The following SPEN variants were observed in gnomAD, a reference collection of about 807,000 sequenced individuals.
SPEN encodes msx2-interacting protein.
In SPEN, 18 loss-of-function variants were observed where a neutral mutation model predicts 269.9. That is an observed-to-expected ratio of 0.07 (90% CI 0.05 to 0.10). SPEN has a LOEUF of 0.10. SPEN is among the 10% of genes least tolerant of loss of function. The pLI is 1.00. For missense variants in SPEN, 3,822 were observed against 4,631.2 expected (o/e 0.83, Z 5.07); for synonymous variants, 1,726 against 1,765.7 (o/e 0.98, Z 0.56).
intron 1 of SPEN, among the ~76,000 whole-genome samples, chr1:15,849,739 G>A (rs956907048): frequency 3.9e-5 from 6 of 151,974 alleles, no homozygotes; most frequent in African/African-American, 1.5e-4. Context: ...CCCCTTACCC[G>A]CCCCCCACCT....
At position 15,931,352 on chromosome 1, in the gene SPEN, A is replaced by G; in HGVS notation, c.5112A>G (p.Pro1704=). Residue 1704 remains proline, a synonymous_variant, in exon 11 of 15, where the codon CCA becomes CCG. Coordinates refer to ENST00000375759, the MANE Select transcript of SPEN (RefSeq NM_015001.3). This position sits in a 1 kb window ranked among gnomAD's most constrained non-coding sequence, Gnocchi z 4.8. ...VEQLEQVDLP[P]GADPDKEAAM... is the part of the protein sequence containing the mutation. ...AGCTGGAACAAGTAGACCTGCCCCCAGGAGCAGACCCCGATAAAGAAGCTG... is the reference window on the plus strand; with the variant it reads ...AGCTGGAACAAGTAGACCTGCCCCCGGGAGCAGACCCCGATAAAGAAGCTG... The G allele has an allele frequency of 6.2e-7, 1 of 1,614,226 alleles. No homozygotes were observed. The highest frequency in any genetic ancestry group is 8.5e-7 in the Non-Finnish European group (1 of 1,180,042).
In SPEN at chr1:15,930,027, A is replaced by C. The variant is rs780391030; in HGVS notation, c.3787A>C (p.Ser1263Arg). The change falls in exon 11 of 15, where the codon AGT becomes CGT. Residue 1263 changes from serine to arginine, a missense_variant. Coordinates refer to ENST00000375759, the MANE Select transcript of SPEN (RefSeq NM_015001.3). The surrounding 1 kb of genome is among the most constrained non-coding windows in gnomAD (Gnocchi z 5.3). ...EDSERTGGSP[S>R]VRHGSFHEDE... Reference sequence around the variant, plus strand: ...TTCTGAAAGGACTGGTGGTTCTCCCAGTGTCCGACATGGTTCCTTCCATGA... The same window carrying C: ...TTCTGAAAGGACTGGTGGTTCTCCCCGTGTCCGACATGGTTCCTTCCATGA... The C allele has an allele frequency of 5.6e-6, 9 of 1,614,224 alleles. No individual in the cohort carries two copies. The highest frequency in any genetic ancestry group is 7.6e-6 in the Non-Finnish European group (9 of 1,180,038).
Position 15,934,160 on chromosome 1 carries a change from A to G in SPEN, c.7920A>G (p.Ala2640=). The G allele has an allele frequency of 1.2e-6, 2 of 1,614,240 alleles. No individual in the cohort carries two copies. The highest frequency in any genetic ancestry group is 1.7e-6 in the Non-Finnish European group (2 of 1,180,038). The stretch of plus-strand genomic sequence containing the variant: ...AAAATTCACAGAAGATAACCTTGGC[A>G]AAACCAGCTCCTCAAACCCTCACTG... ...DLENSQKITL[A]KPAPQTLTGL... The change falls in exon 11 of 15, where the codon GCA becomes GCG. Residue 2640 remains alanine (A), a synonymous_variant. Transcript: ENST00000375759. This position sits in a 1 kb window ranked among gnomAD's most constrained non-coding sequence, Gnocchi z 9.2.
intron 3 of SPEN, among the ~76,000 whole-genome samples, chr1:15,882,659 C>T (rs1436197956): frequency 6.6e-6 from 1 of 151,900 alleles, no homozygotes; most frequent in Non-Finnish European, 1.5e-5. Context: ...GACTCCATTT[C>T]AAAAAAAGAA....
rs900738245 is a variant in SPEN at position 15,935,881 on chromosome 1, A to G, written c.9641A>G (p.Asp3214Gly). 6.2e-7 allele frequency: 1 copy of G among 1,613,322 alleles called. No homozygotes were observed. The highest frequency in any genetic ancestry group is 8.5e-7 in the Non-Finnish European group (1 of 1,179,990). Residue 3214 changes from aspartate to glycine, a missense_variant, in exon 11 of 15, where the codon GAT becomes GGT. Physicochemically the swap from Asp to Gly is moderately conservative, Grantham distance 94 (BLOSUM62 -1). Coordinates refer to ENST00000375759, the MANE Select transcript of SPEN (RefSeq NM_015001.3). This position sits in a 1 kb window ranked among gnomAD's most constrained non-coding sequence, Gnocchi z 7.7. ...GTCAGCGAGCAGCCCAGGGCCGCGG[A>G]TGGGGTGGTGAAGGTGCCACCAGCC... ...TAVSEQPRAA[D>G]GVVKVPPASK... is the part of the protein sequence containing the mutation.
intron 10 of SPEN, among the ~76,000 whole-genome samples, chr1:15,923,828 C>G (rs2071141461): frequency 6.6e-6 from 1 of 152,056 alleles, no homozygotes; most frequent in Admixed American, 6.6e-5. Flanking sequence ...TGCCACCATG[C>G]CCGGCTAATT....
chr1:15,896,598 T>G (rs1318618999), intron 3 of SPEN, among the ~76,000 whole-genome samples: 1 of 152,152 alleles, frequency 6.6e-6, no homozygotes, highest in African/African-American at 2.4e-5. Context: ...TGCCTAAGGT[T>G]TAGATTTGTT....
At chr1:15,879,262 G>T (rs2070664033) in intron 3 of SPEN, among the ~76,000 whole-genome samples, 1 of 151,630 alleles carries the variant, frequency 6.6e-6, no homozygotes. Context: ...AATAGCTTGA[G>T]CCCAGGAGGT....
Position 15,880,616 on chromosome 1 carries a change from G to A in SPEN, c.881+3938G>A, listed in dbSNP as rs1275328295. Among the ~76,000 whole-genome samples the A allele has an allele frequency of 5.9e-5, 9 of 151,764 alleles. No homozygotes were observed. The East Asian group carries it at 1.2e-3, about 20-fold the overall frequency. ...GATTACAGGCACTGCCACCATGCCC[G>A]GCTAATTTTTGTATTTTTTAGTAGA... On this transcript the variant is annotated intron_variant, in intron 3 of 14. Transcript: ENST00000375759.
At chr1:15,913,661 G>C (rs1432482241) in intron 5 of SPEN, among the ~76,000 whole-genome samples, 1 of 151,916 alleles carries the variant, frequency 6.6e-6, no homozygotes, top group Admixed American at 6.5e-5. Context: ...GGCTGAGGCA[G>C]GAGGATCGCT....
At chr1:15,905,439 C>T (rs1344343738) in intron 3 of SPEN, among the ~76,000 whole-genome samples, 1 of 151,914 alleles carries the variant, frequency 6.6e-6, no homozygotes, top group Non-Finnish European at 1.5e-5. Flanking sequence ...CCAGGCTGGT[C>T]TCAAACTCCT....
At chr1:15,850,235 G>T (rs554009687) in intron 1 of SPEN, among the ~76,000 whole-genome samples, 1 of 152,300 alleles carries the variant, frequency 6.6e-6, no homozygotes, top group South Asian at 2.1e-4. Flanking sequence ...GCGGCAGTCT[G>T]GAGGAACATT....
intron 9 of SPEN, 123 bp from the exon 10 acceptor site, chr1:15,922,126 T>C: frequency 3.0e-6 from 2 of 675,404 alleles, no homozygotes; most frequent in East Asian, 2.7e-5. Context: ...TTACTTGAGA[T>C]ACATTGCTGT....
rs72882596 is a variant in SPEN at position 15,876,980 on chromosome 1, T to C, written c.881+302T>C. Among the ~76,000 whole-genome samples, 1,109 of 152,324 alleles carry C rather than the reference T, an allele frequency of 7.3e-3. 24 individuals carry two copies. Among genetic ancestry groups the C allele is most frequent in the African/African-American group, 0.025 (1,040 of 41,564 alleles). ...GGCAAATCTTGTGACACTGAAAATA[T>C]GGTATCTCTTTAACATTTTTAATTT... is the stretch of plus-strand genomic sequence containing the variant. On this transcript the variant is annotated intron_variant, in intron 3 of 14. Transcript: ENST00000375759.
intron 10 of SPEN, among the ~76,000 whole-genome samples, chr1:15,927,766 G>A (rs2148737520): frequency 6.6e-6 from 1 of 152,250 alleles, no homozygotes; most frequent in South Asian, 2.1e-4. Context: ...TTTTCTAGTA[G>A]CCACATTAAA....
chr1:15,919,459 C>T lies in SPEN; in HGVS notation c.1577C>T (p.Ser526Leu). 6.2e-7 allele frequency: 1 copy of T among 1,608,668 alleles called. No individual in the cohort carries two copies. The highest frequency in any genetic ancestry group is 8.5e-7 in the Non-Finnish European group (1 of 1,179,320). ...TNCVWLDGLS[S>L]NVSDQYLTRH... ...TGCGTGTGGCTAGATGGGCTTTCTTCGAATGTGTCAGATCAGTATTTAACA... is the reference window on the plus strand; with the variant it reads ...TGCGTGTGGCTAGATGGGCTTTCTTTGAATGTGTCAGATCAGTATTTAACA... Residue 526 changes from serine to leucine, a missense_variant, in exon 8 of 15, where the codon TCG (serine) becomes TTG (leucine). This residue lies in a region of SPEN where 230 missense variants were observed against 426.1 expected (regional missense o/e 0.54). Transcript: ENST00000375759.
chr1:15,899,537 G>GTTTTTT (rs34565365), intron 3 of SPEN, among the ~76,000 whole-genome samples: 2 of 83,432 alleles, frequency 2.4e-5, no homozygotes, highest in Non-Finnish European at 4.5e-5. Flanking sequence ...ATGTGGCAGA[G>GTTTTTT]TTTTTTTTTT....
Position 15,872,957 on chromosome 1 carries a change from C to T in SPEN, c.225C>T (p.Arg75=), listed in dbSNP as rs773215846. Residue 75 remains arginine, a synonymous_variant, in exon 2 of 15, where the codon CGC becomes CGT. Coordinates refer to ENST00000375759, the MANE Select transcript of SPEN (RefSeq NM_015001.3). ...SVNKMGDRDL[R]TDYNEPGTIP... is the part of the protein sequence containing the mutation. Reference sequence around the variant, plus strand: ...ACAAAATGGGTGACAGAGACCTACGCACGGATTATAATGAACCAGGCACCA... The same window carrying T: ...ACAAAATGGGTGACAGAGACCTACGTACGGATTATAATGAACCAGGCACCA... 6.2e-7 allele frequency: 1 copy of T among 1,614,050 alleles called. No individual in the cohort carries two copies. Among genetic ancestry groups the T allele is most frequent in the Non-Finnish European group, 8.5e-7 (1 of 1,179,986 alleles).
intron 2 of SPEN, chr1:15,873,877 C>A: frequency 9.2e-7 from 1 of 1,092,634 alleles, no homozygotes; most frequent in South Asian, 2.6e-5. Context: ...TTCCACTAGC[C>A]CAGGGAAAGA....
Sources: gnomAD v4.1 joint callset for allele counts (sites outside exome capture counted in the v4.1 genomes callset) on GRCh38, gnomAD v4.1.1 for gene constraint, gnomAD v4.1.1 regional missense constraint, Gnocchi (gnomAD v3.1) non-coding constraint, MANE v1.5 for transcripts, NCBI Gene and HGNC (gene_info 2026-07-23, HGNC 2026-07-21) for gene names.